The following GPHN variants were observed in gnomAD, a reference collection of about 807,000 sequenced individuals.
GPHN encodes gephyrin.
A neutral mutation model predicts 95.5 loss-of-function variants in GPHN; 17 were observed. The observed-to-expected ratio is 0.18, with a 90% CI of 0.12 to 0.27. The LOEUF (loss-of-function observed/expected upper bound fraction) is 0.27. Among genes scored for constraint, GPHN ranks in the 10% least tolerant of loss-of-function variants. GPHN has a pLI of 1.00. For synonymous variants in GPHN, 320 were observed against 322.5 expected (o/e 0.99, Z 0.08); for missense variants, 660 against 978.1 (o/e 0.67, Z 4.34).
intron 1 of GPHN, among the ~76,000 whole-genome samples, chr14:66,532,208 T>G (rs930641087): frequency 1.3e-5 from 2 of 152,220 alleles, no homozygotes; most frequent in Non-Finnish European, 2.9e-5. Context: ...TTTTTCACAT[T>G]TCTGTGAACT....
chr14:66,546,865 G>A (rs1327480669), intron 1 of GPHN, among the ~76,000 whole-genome samples: 2 of 152,164 alleles, frequency 1.3e-5, no homozygotes, highest in East Asian at 1.9e-4. Flanking sequence ...GCCTCTGAAT[G>A]CAAGCCTTTC....
At chr14:67,447,388 C>T in the GPHN span, 1 of 151,886 alleles carries the variant, frequency 6.6e-6, no homozygotes, top group Admixed American at 6.6e-5. Flanking sequence ...AACATTCACA[C>T]TATAGCAGGA....
intron 1 of GPHN, among the ~76,000 whole-genome samples, chr14:66,607,532 GA>G (rs1399520586): frequency 6.6e-6 from 1 of 151,804 alleles, no homozygotes; most frequent in African/African-American, 2.4e-5. Flanking sequence ...GGAGCAGGGG[GA>G]GTCCCTCCTC....
chr14:67,242,465 T>C, the GPHN span, among the ~76,000 whole-genome samples: 1 of 152,258 alleles, frequency 6.6e-6, no homozygotes, highest in Non-Finnish European at 1.5e-5. Context: ...AGCAATATCA[T>C]GTTTTAATGA....
intron 1 of GPHN, among the ~76,000 whole-genome samples, chr14:66,572,706 A>T (rs763716981): frequency 1.1e-4 from 17 of 152,214 alleles, no homozygotes; most frequent in South Asian, 4.1e-4. Context: ...TCAGCAACCA[A>T]AGACAATATA....
At chr14:67,064,773 G>A (rs2075974959) in intron 11 of GPHN, among the ~76,000 whole-genome samples, 1 of 152,058 alleles carries the variant, frequency 6.6e-6, no homozygotes, top group African/African-American at 2.4e-5. Flanking sequence ...TGGGATCAGT[G>A]GTGATATCCC....
intron 1 of GPHN, among the ~76,000 whole-genome samples, chr14:66,530,754 C>G (rs973648645): frequency 6.6e-6 from 1 of 152,020 alleles, no homozygotes; most frequent in African/African-American, 2.4e-5. Context: ...AGGCAATGCC[C>G]CACCCTGCTT....
rs113329188 is a variant in GPHN, at chr14:66,947,577, G to A, written c.829-17614G>A. 4.1e-3 allele frequency among the ~76,000 whole-genome samples: 629 copies of A among 152,200 alleles called. 11 individuals carry two copies. Among genetic ancestry groups the A allele is most frequent in the African/African-American group, 0.012 (508 of 41,516 alleles). On this transcript the variant is annotated intron_variant, in intron 8 of 22. Transcript: ENST00000478722. ...CATGAAAACATATGATGCATCATTC[G>A]TCTTGATGGAATCAATGTCTATTAA... is the stretch of plus-strand genomic sequence containing the variant.
the GPHN span, among the ~76,000 whole-genome samples, chr14:67,278,571 A>G: frequency 6.6e-6 from 1 of 152,196 alleles, no homozygotes; most frequent in African/African-American, 2.4e-5. Context: ...TTGATCATTC[A>G]TCAATTTCTT....
chr14:66,801,524 CA>C lies in GPHN; in HGVS notation c.202-22942del, dbSNP rs199618102. Among the ~76,000 whole-genome samples, 7 of 151,700 alleles carry C rather than the reference CA, an allele frequency of 4.6e-5. No individual in the cohort carries two copies. In the South Asian group the frequency reaches 1.5e-3, roughly 32 times the overall value. On this transcript the variant is annotated intron_variant, in intron 3 of 22. Transcript: ENST00000478722. ...ATTGTTGTCCTCCCTTCCTTTCTCC[CA>C]AAAAAAATGAGTCTTCTCTCATTCT...
chr14:67,532,644 G>A, the GPHN span, among the ~76,000 whole-genome samples: 2 of 152,256 alleles, frequency 1.3e-5, no homozygotes, highest in South Asian at 2.1e-4. Context: ...CTTGAGCTCC[G>A]GAGTTCGAGT....
At chr14:67,033,004 A>G (rs975366145) in intron 10 of GPHN, among the ~76,000 whole-genome samples, 4 of 152,226 alleles carry the variant, frequency 2.6e-5, no homozygotes, top group African/African-American at 9.6e-5. Flanking sequence ...TCTAAGAGAG[A>G]ACACAAATGG....
chr14:66,599,980 A>G (rs1021562604), intron 1 of GPHN, among the ~76,000 whole-genome samples: 2 of 152,076 alleles, frequency 1.3e-5, no homozygotes, highest in African/African-American at 4.8e-5. Flanking sequence ...ATGAAAATGA[A>G]CATATAATCT....
chr14:67,292,733 A>C, the GPHN span: 1 of 1,603,998 alleles, frequency 6.2e-7, no homozygotes. Flanking sequence ...TGTATTCTAA[A>C]CATCTTGTTG....
chr14:67,259,551 G>A, the GPHN span, among the ~76,000 whole-genome samples: 1 of 152,134 alleles, frequency 6.6e-6, no homozygotes, highest in African/African-American at 2.4e-5. Flanking sequence ...GGCAGAGGTT[G>A]CAGTGAGCCA....
chr14:67,667,125 T>G, the GPHN span, among the ~76,000 whole-genome samples: 4 of 152,044 alleles, frequency 2.6e-5, no homozygotes, highest in Admixed American at 2.0e-4. Context: ...GGAAACTGGG[T>G]GGATGCTGAC....
chr14:66,593,577 C>G (rs1036866698), intron 1 of GPHN, among the ~76,000 whole-genome samples: 1 of 152,122 alleles, frequency 6.6e-6, no homozygotes, highest in African/African-American at 2.4e-5. Context: ...CACCTCCCAC[C>G]AGGTCTCTTT....
At chr14:67,620,104 T>G in the GPHN span, 1 of 1,560,654 alleles carries the variant, frequency 6.4e-7, no homozygotes, top group African/African-American at 1.4e-5. Context: ...AACTGGCACC[T>G]GGAACCGCCG....
chr14:67,226,803 T>C, the GPHN span, among the ~76,000 whole-genome samples: 1 of 152,172 alleles, frequency 6.6e-6, no homozygotes, highest in African/African-American at 2.4e-5. Flanking sequence ...TCCTGATCTG[T>C]ACCTGTTCCT....
Sources: gnomAD v4.1 joint callset for allele counts (sites outside exome capture counted in the v4.1 genomes callset) on GRCh38, gnomAD v4.1.1 for gene constraint, MANE v1.5 for transcripts, NCBI Gene and HGNC (gene_info 2026-07-23, HGNC 2026-07-21) for gene names.